The following SLC26A7 variants were observed in gnomAD, a reference collection of about 807,000 sequenced individuals.
SLC26A7 encodes the protein anion exchange transporter.
SLC26A7 carries 59 observed loss-of-function variants against 82.5 expected under a neutral mutation model. The observed-to-expected ratio is 0.72, with a 90% CI of 0.58 to 0.89. SLC26A7 has a LOEUF of 0.89. Ranked by LOEUF, SLC26A7 falls within the 40% of genes least tolerant of loss-of-function variation. The pLI is 0.00. For synonymous variants in SLC26A7, 271 were observed against 274.3 expected, an observed-to-expected ratio of 0.99 and a Z score of 0.12; for missense variants, 820 against 793.0, an observed-to-expected ratio of 1.03 and a Z score of -0.41.
At chr8:91,369,208 T>G (rs952896732) in intron 14 of SLC26A7, among the ~76,000 whole-genome samples, 10 of 152,354 alleles carry the variant, frequency 6.6e-5, no homozygotes, top group African/African-American at 1.9e-4. Context: ...GATTAAATGG[T>G]TAGTGTGAAG....
intron 15 of SLC26A7, among the ~76,000 whole-genome samples, chr8:91,371,320 G>A (rs888068659): frequency 6.6e-6 from 1 of 151,600 alleles, no homozygotes; most frequent in African/African-American, 2.4e-5. Flanking sequence ...CAGGGGAGAC[G>A]TGCAGGATGA....
chr8:91,244,452 G>T (rs1810516965), upstream of SLC26A7, among the ~76,000 whole-genome samples: 1 of 144,820 alleles, frequency 6.9e-6, no homozygotes, highest in African/African-American at 2.5e-5. Context: ...TGTAAAATGT[G>T]TTTGAATATA....
At chr8:91,327,022 G>A (rs9657000) in intron 5 of SLC26A7, among the ~76,000 whole-genome samples, 33,499 of 152,000 alleles carry the variant, frequency 0.22, 5,107 homozygotes, top group African/African-American at 0.42. Flanking sequence ...TCATCTTGTG[G>A]TCGATCCTTT....
intron 2 of SLC26A7, among the ~76,000 whole-genome samples, chr8:91,220,822 T>C (rs1182546473): frequency 6.6e-6 from 1 of 152,232 alleles, no homozygotes; most frequent in African/African-American, 2.4e-5. Context: ...TACGTGTGCA[T>C]GTGTCTTTAT....
intron 2 of SLC26A7, among the ~76,000 whole-genome samples, chr8:91,266,561 T>C (rs1811119106): frequency 6.6e-6 from 1 of 151,916 alleles, no homozygotes; most frequent in African/African-American, 2.4e-5. Flanking sequence ...AAAATGCTTT[T>C]GGTTTTTTTG....
intron 2 of SLC26A7, 61 bp from the exon 3 acceptor site, chr8:91,289,075 G>A (rs1811791130): frequency 9.5e-7 from 1 of 1,050,674 alleles, no homozygotes; most frequent in Non-Finnish European, 1.5e-6. Context: ...CTATTCTTTT[G>A]TGTAACAGAC....
At chr8:91,340,592 AT>A in intron 8 of SLC26A7, 41 bp downstream of exon 8, 1 of 1,611,196 alleles carries the variant, frequency 6.2e-7, no homozygotes, top group Non-Finnish European at 8.5e-7. Flanking sequence ...CAGTTGTATC[AT>A]TGCACTGTGC....
At chr8:91,262,593 A>G (rs1190524747) in intron 2 of SLC26A7, among the ~76,000 whole-genome samples, 1 of 151,998 alleles carries the variant, frequency 6.6e-6, no homozygotes, top group Admixed American at 6.6e-5. Flanking sequence ...TCCTCGCATT[A>G]GAATATCAGG....
chr8:91,283,286 G>A (rs1045671579), intron 2 of SLC26A7, among the ~76,000 whole-genome samples: 4 of 152,136 alleles, frequency 2.6e-5, no homozygotes, highest in African/African-American at 9.7e-5. Flanking sequence ...GAGGGAGGAA[G>A]TGAAAGATGG....
intron 4 of SLC26A7, among the ~76,000 whole-genome samples, chr8:91,311,782 T>A (rs926687056): frequency 3.9e-5 from 6 of 152,160 alleles, no homozygotes; most frequent in African/African-American, 1.4e-4. Flanking sequence ...AGAGGGAGGA[T>A]GTGGTAATCC....
intron 2 of SLC26A7, among the ~76,000 whole-genome samples, chr8:91,239,265 G>T (rs1326194962): frequency 6.6e-6 from 1 of 151,330 alleles, no homozygotes; most frequent in Admixed American, 6.6e-5. Flanking sequence ...AGCTACTTTT[G>T]AGGCTGAGGC....
At chr8:91,325,771 G>A (rs1205937155) in intron 5 of SLC26A7, among the ~76,000 whole-genome samples, 2 of 152,112 alleles carry the variant, frequency 1.3e-5, no homozygotes, top group East Asian at 1.9e-4. Flanking sequence ...AAAATTCTTT[G>A]CTGGACTGAA....
In SLC26A7 at chr8:91,282,150, G is replaced by A. The variant is rs530502492; in HGVS notation, c.194-6986G>A. 3.9e-4 allele frequency among the ~76,000 whole-genome samples: 60 copies of A among 152,208 alleles called. 1 individual carries two copies. In the South Asian group the frequency reaches 7.5e-3, roughly 19 times the overall value. On this transcript the variant is annotated intron_variant, in intron 2 of 18. Transcript: ENST00000276609. ...TAAGTTAGTTCTAATCAGGGTATGT[G>A]TTCTCTCAGCACCTACATCAACCTG...
chr8:91,302,361 A>G (rs1027106288), intron 4 of SLC26A7, among the ~76,000 whole-genome samples: 5 of 152,100 alleles, frequency 3.3e-5, no homozygotes, highest in African/African-American at 1.2e-4. Context: ...TAAGCTATAT[A>G]TGTTTGTGTC....
At chr8:91,315,647 T>C (rs1812608819) in intron 4 of SLC26A7, among the ~76,000 whole-genome samples, 1 of 152,238 alleles carries the variant, frequency 6.6e-6, no homozygotes, top group Non-Finnish European at 1.5e-5. Flanking sequence ...TATTCTTTTC[T>C]TTATTATGTA....
In SLC26A7 at chr8:91,389,512, C is replaced by T. The variant is rs1335586234; in HGVS notation, c.1776+74C>T. The T allele has an allele frequency of 3.8e-6, 4 of 1,043,900 alleles. No individual in the cohort carries two copies. In the East Asian group the frequency reaches 7.1e-5, roughly 19 times the overall value. The allele number at this position is 1,043,900 out of a possible 1,614,324, so 64.7% of individuals were successfully genotyped here. A position where few individuals can be genotyped will look rare whatever the true frequency, so the allele number is the denominator to read the frequency against. On this transcript the variant is annotated intron_variant, in intron 16 of 18. Coordinates refer to ENST00000276609, the MANE Select transcript of SLC26A7 (RefSeq NM_052832.4). ...AACAGGGGTTTTCACCACCTTCTCT[C>T]CATAGTCTTGAGCCTGCTTGTTGCA...
intron 4 of SLC26A7, among the ~76,000 whole-genome samples, chr8:91,316,030 A>C (rs539063335): frequency 1.3e-5 from 2 of 152,328 alleles, no homozygotes; most frequent in South Asian, 4.1e-4. Flanking sequence ...ATATAGGTTC[A>C]AATTTTCAGA....
intron 2 of SLC26A7, among the ~76,000 whole-genome samples, chr8:91,261,646 A>T (rs1810968365): frequency 6.6e-6 from 1 of 152,202 alleles, no homozygotes; most frequent in Admixed American, 6.6e-5. Context: ...ATATTATATG[A>T]TGTAGAATTT....
At chr8:91,225,016 C>T (rs926747376) in intron 2 of SLC26A7, among the ~76,000 whole-genome samples, 5 of 152,232 alleles carry the variant, frequency 3.3e-5, no homozygotes, top group Admixed American at 3.3e-4. Flanking sequence ...GGGACCAAGC[C>T]ATCCAGCCTC....
Sources: allele counts gnomAD v4.1 joint callset (sites outside exome capture counted in the v4.1 genomes callset), GRCh38; gene constraint gnomAD v4.1.1; transcripts MANE v1.5; gene names NCBI Gene and HGNC (gene_info 2026-07-23, HGNC 2026-07-21).